Variants in ZBBX observed in about 807,000 individuals in gnomAD.
ZBBX encodes the protein zinc finger B-box domain-containing protein 1.
ZBBX carries 101 observed loss-of-function variants against 108.5 expected under a neutral mutation model. The ratio of observed to expected loss-of-function variants is 0.93; its 90% CI spans 0.79 to 1.10. The LOEUF is 1.10. Ranked by LOEUF, ZBBX falls within the 50% of genes least tolerant of loss-of-function variation. The probability of loss-of-function intolerance (pLI) is 0.00; values close to 1 mark genes in which losing one functional copy is unlikely to be tolerated. For missense variants in ZBBX, 1,009 were observed against 941.4 expected (o/e 1.07, Z -0.94); for synonymous variants, 356 against 323.4 (o/e 1.10, Z -1.08).
At chr3:167,382,507 A>C (rs1469304342), upstream of ZBBX, among the ~76,000 whole-genome samples, 1 of 152,156 alleles carries the variant, frequency 6.6e-6, no homozygotes, top group Non-Finnish European at 1.5e-5. Context: ...TTTGAATACA[A>C]GTTTTCTGAA....
the ZBBX span, among the ~76,000 whole-genome samples, chr3:167,179,886 A>G: frequency 6.6e-6 from 1 of 152,238 alleles, no homozygotes; most frequent in East Asian, 1.9e-4. Flanking sequence ...GAATACCCAC[A>G]AAGTCAAATA....
Position 167,360,733 on chromosome 3 carries a change from T to C in ZBBX, c.274-10A>G, listed in dbSNP as rs1285814118. 4 of 1,366,198 alleles carry C rather than the reference T, an allele frequency of 2.9e-6. No individual in the cohort carries two copies. Among genetic ancestry groups the C allele is most frequent in the South Asian group, 2.0e-5 (1 of 50,228 alleles). The allele number at this position is 1,366,198 out of a possible 1,614,324, so 84.6% of individuals were successfully genotyped here. A position where few individuals can be genotyped will look rare whatever the true frequency, so the allele number is the denominator to read the frequency against. On this transcript the variant is annotated splice_polypyrimidine_tract_variant and intron_variant, in intron 6 of 21. Transcript: ENST00000675490. ...CTTTTCCAGCAGAAAACTGTATTAA[T>C]AAAATAGATACTATTTGTCAGGTAT...
chr3:167,187,996 T>C, the ZBBX span, among the ~76,000 whole-genome samples: 1 of 152,168 alleles, frequency 6.6e-6, no homozygotes, highest in Non-Finnish European at 1.5e-5. Flanking sequence ...TTTCCAGAAT[T>C]ACGTATTTTC....
intron 5 of ZBBX, among the ~76,000 whole-genome samples, chr3:167,367,907 A>T (rs1745562760): frequency 6.7e-6 from 1 of 148,964 alleles, no homozygotes; most frequent in Admixed American, 6.7e-5. Context: ...TCAGCTAACC[A>T]GCATTTGCTA....
At chr3:167,251,122 T>C (rs966478843) in intron 20 of ZBBX, among the ~76,000 whole-genome samples, 2 of 152,090 alleles carry the variant, frequency 1.3e-5, no homozygotes, top group Non-Finnish European at 2.9e-5. Flanking sequence ...GCCAGAGCAG[T>C]TGGAGGAGAG....
At chr3:167,217,457 T>TA in the ZBBX span, among the ~76,000 whole-genome samples, 1 of 152,118 alleles carries the variant, frequency 6.6e-6, no homozygotes, top group Middle Eastern at 3.4e-3. Context: ...GCTAAAAAGT[T>TA]AAAAAATAAC....
intron 17 of ZBBX, among the ~76,000 whole-genome samples, chr3:167,298,799 C>T (rs976249339): frequency 3.2e-4 from 48 of 151,922 alleles, no homozygotes; most frequent in African/African-American, 1.1e-3. Context: ...CACGCAGTGG[C>T]TTTGAACTAG....
chr3:167,224,233 T>C, the ZBBX span, among the ~76,000 whole-genome samples: 1 of 151,958 alleles, frequency 6.6e-6, no homozygotes, highest in African/African-American at 2.4e-5. Flanking sequence ...CATAAATAAA[T>C]TGATTTATAC....
chr3:167,375,302 C>T (rs1746776705), intron 2 of ZBBX, among the ~76,000 whole-genome samples: 1 of 152,070 alleles, frequency 6.6e-6, no homozygotes, highest in African/African-American at 2.4e-5. Context: ...CTAGAGAATC[C>T]ATTTTATGGC....
chr3:167,199,215 C>T, the ZBBX span, among the ~76,000 whole-genome samples: 2 of 152,096 alleles, frequency 1.3e-5, no homozygotes, highest in Non-Finnish European at 2.9e-5. Context: ...GTGAAATATG[C>T]CTTGTAATTG....
chr3:167,218,532 C>T, the ZBBX span, among the ~76,000 whole-genome samples: 3 of 151,884 alleles, frequency 2.0e-5, no homozygotes, highest in South Asian at 4.2e-4. Context: ...TGTTTGTTTA[C>T]GCAATCACTC....
At chr3:167,301,403 T>C (rs565115103) in intron 17 of ZBBX, among the ~76,000 whole-genome samples, 1 of 152,364 alleles carries the variant, frequency 6.6e-6, no homozygotes, top group African/African-American at 2.4e-5. Context: ...GGGCAATACA[T>C]GTTTCCTTAT....
chr3:167,194,269 A>T, the ZBBX span, among the ~76,000 whole-genome samples: 2 of 126,586 alleles, frequency 1.6e-5, no homozygotes, highest in African/African-American at 2.6e-5. Context: ...CATTTTTAAA[A>T]CTGATTCATA....
At chr3:167,327,313 A>G (rs996377443) in intron 11 of ZBBX, among the ~76,000 whole-genome samples, 1 of 152,056 alleles carries the variant, frequency 6.6e-6, no homozygotes, top group African/African-American at 2.4e-5. Context: ...ATGTGTTACA[A>G]TTACTGCTCA....
chr3:167,351,132 C>T (rs1228497237), intron 8 of ZBBX, among the ~76,000 whole-genome samples: 2 of 151,396 alleles, frequency 1.3e-5, no homozygotes, highest in Non-Finnish European at 2.9e-5. Context: ...AACTACATTA[C>T]CATGTCTGTA....
Position 167,240,544 on chromosome 3 carries a change from A to G in ZBBX, c.*249T>C. 1.3e-5 allele frequency: 4 copies of G among 299,890 alleles called. No homozygotes were observed. Among genetic ancestry groups the G allele is most frequent in the Non-Finnish European group, 1.9e-5 (3 of 159,800 alleles). 18.6% of individuals were successfully genotyped at this position (299,890 alleles called of 1,614,324 possible). A position where few individuals can be genotyped will look rare whatever the true frequency, so the allele number is the denominator to read the frequency against. ...TTTTATAGACACAGTTGTAACAGTT[A>G]TTTCTTCAAATTCACCATATTTTAC... On this transcript the variant is annotated 3_prime_UTR_variant, in exon 22 of 22. Transcript: ENST00000675490.
downstream of ZBBX, among the ~76,000 whole-genome samples, chr3:167,239,449 G>A (rs371039747): frequency 0.015 from 2,205 of 151,290 alleles, 25 homozygotes; most frequent in South Asian, 0.026. Context: ...TTTTTTTCTC[G>A]CCCTTCTCAG....
At chr3:167,192,184 AC>A in the ZBBX span, among the ~76,000 whole-genome samples, 12 of 152,010 alleles carry the variant, frequency 7.9e-5, no homozygotes, top group African/African-American at 2.9e-4. Flanking sequence ...TGTCTGTGTA[AC>A]TTAATTTTCC....
chr3:167,225,618 C>T, the ZBBX span, among the ~76,000 whole-genome samples: 8 of 151,900 alleles, frequency 5.3e-5, no homozygotes, highest in African/African-American at 1.7e-4. Context: ...ATTTGACTAT[C>T]GGGGGCTCGG....
Sources: gnomAD v4.1 joint callset for allele counts (sites outside exome capture counted in the v4.1 genomes callset) on GRCh38, gnomAD v4.1.1 for gene constraint, MANE v1.5 for transcripts, NCBI Gene and HGNC (gene_info 2026-07-23, HGNC 2026-07-21) for gene names.